The following PLCL2 variants were observed in gnomAD, a reference collection of about 807,000 sequenced individuals.
PLCL2 encodes inactive phospholipase C-like protein 2.
In PLCL2, 4 loss-of-function variants were observed where a neutral mutation model predicts 79.6. The observed-to-expected ratio is 0.05, with a 90% CI of 0.02 to 0.11. The LOEUF (loss-of-function observed/expected upper bound fraction) is 0.11, where lower values mean the gene tolerates loss of function less well. Ranked by LOEUF, PLCL2 falls within the 10% of genes least tolerant of loss-of-function variation. The pLI is 1.00. For synonymous variants in PLCL2, 484 were observed against 457.7 expected (o/e 1.06, Z -0.73); for missense variants, 895 against 1,291.0 (o/e 0.69, Z 4.70).
intron 1 of PLCL2, among the ~76,000 whole-genome samples, chr3:16,954,684 A>G (rs2063686818): frequency 6.6e-6 from 1 of 152,076 alleles, no homozygotes; most frequent in African/African-American, 2.4e-5. Context: ...CCTCTCCAGC[A>G]CCTGTTGTTT....
At chr3:17,040,586 G>A (rs1365716543) in intron 3 of PLCL2, among the ~76,000 whole-genome samples, 5 of 151,998 alleles carry the variant, frequency 3.3e-5, no homozygotes, top group South Asian at 2.1e-4. Context: ...GACAGCTGCC[G>A]CTTGCAAGTG....
At chr3:16,905,392 C>T (rs1033606339) in intron 1 of PLCL2, among the ~76,000 whole-genome samples, 4 of 152,318 alleles carry the variant, frequency 2.6e-5, no homozygotes, top group Non-Finnish European at 5.9e-5. Context: ...ACACCAGGCT[C>T]CAGTTTCAAC....
rs146543012 is a variant in PLCL2, at chr3:16,941,538, A to G, written c.327+56172A>G. ...GCCTGTCACAGTATGTGCTGTGAAA[A>G]TATCCATGCCAGTAAGACAAATGAG... On this transcript the variant is annotated intron_variant, in intron 1 of 5. Transcript: ENST00000615277. Among the ~76,000 whole-genome samples the G allele has an allele frequency of 6.8e-3, 1,043 of 152,294 alleles. 14 individuals carry two copies. The highest frequency in any genetic ancestry group is 0.024 in the African/African-American group (996 of 41,552).
chr3:17,036,327 G>A (rs1238078172), intron 3 of PLCL2, among the ~76,000 whole-genome samples: 1 of 152,156 alleles, frequency 6.6e-6, no homozygotes, highest in Non-Finnish European at 1.5e-5. Context: ...GTATTTAAAA[G>A]TACGTTGTAT....
At chr3:17,046,888 T>C (rs2064785894) in intron 4 of PLCL2, among the ~76,000 whole-genome samples, 1 of 152,168 alleles carries the variant, frequency 6.6e-6, no homozygotes, top group Admixed American at 6.5e-5. Flanking sequence ...AGGAACTGTG[T>C]AGAAGCTGGA....
intron 1 of PLCL2, among the ~76,000 whole-genome samples, chr3:16,930,853 T>C (rs1697375913): frequency 6.6e-6 from 1 of 152,228 alleles, no homozygotes; most frequent in Admixed American, 6.5e-5. Flanking sequence ...ACATTCTTTA[T>C]GACACAAGCA....
At chr3:17,040,850 G>A (rs1416428341) in intron 3 of PLCL2, among the ~76,000 whole-genome samples, 1 of 152,140 alleles carries the variant, frequency 6.6e-6, no homozygotes, top group Non-Finnish European at 1.5e-5. Flanking sequence ...TAATGCTGCT[G>A]TTTTGTTCTC....
chr3:16,974,584 C>T (rs894513492), intron 1 of PLCL2, among the ~76,000 whole-genome samples: 13 of 152,134 alleles, frequency 8.5e-5, no homozygotes, highest in Non-Finnish European at 1.3e-4. Flanking sequence ...AAGAAATGTC[C>T]AGGAGGCACC....
rs1696849788 is a variant in PLCL2, at chr3:16,910,380, C to T, written c.327+25014C>T. 3.9e-5 allele frequency among the ~76,000 whole-genome samples: 6 copies of T among 152,218 alleles called. No individual in the cohort carries two copies. The South Asian group carries it at 1.2e-3, about 32-fold the overall frequency. On this transcript the variant is annotated intron_variant, in intron 1 of 5. Transcript: ENST00000615277. ...TCCCTCAAGTCAGTTTGCAGTCCTCCCCTTACTTCACCCGTCAGTAGTGTT... is the reference window on the plus strand; with the variant it reads ...TCCCTCAAGTCAGTTTGCAGTCCTCTCCTTACTTCACCCGTCAGTAGTGTT...
intron 1 of PLCL2, among the ~76,000 whole-genome samples, chr3:16,939,592 T>A (rs1205385802): frequency 2.0e-5 from 3 of 152,182 alleles, no homozygotes; most frequent in African/African-American, 7.2e-5. Flanking sequence ...GTGTGTGCAG[T>A]GTATTAAAAT....
At chr3:17,078,631 G>C (rs1358773626) in intron 5 of PLCL2, among the ~76,000 whole-genome samples, 1 of 152,100 alleles carries the variant, frequency 6.6e-6, no homozygotes, top group Non-Finnish European at 1.5e-5. Context: ...TTCTCTTTAG[G>C]AACCTAAAAC....
At chr3:16,907,094 C>T (rs1696769014) in intron 1 of PLCL2, among the ~76,000 whole-genome samples, 1 of 152,124 alleles carries the variant, frequency 6.6e-6, no homozygotes, top group African/African-American at 2.4e-5. Context: ...TTTTTAGTGT[C>T]TTATCATCCT....
chr3:17,057,236 C>T (rs994634513), intron 4 of PLCL2, among the ~76,000 whole-genome samples: 2 of 152,144 alleles, frequency 1.3e-5, no homozygotes, highest in Non-Finnish European at 2.9e-5. Context: ...ATTCTCAGTA[C>T]ACATTAGCAT....
At chr3:17,075,395 T>A (rs572164264) in intron 5 of PLCL2, among the ~76,000 whole-genome samples, 1 of 151,998 alleles carries the variant, frequency 6.6e-6, no homozygotes, top group African/African-American at 2.4e-5. Flanking sequence ...CAATCACAAA[T>A]CACAATAACT....
chr3:17,022,447 C>T (rs936581106), intron 3 of PLCL2, among the ~76,000 whole-genome samples: 1 of 151,870 alleles, frequency 6.6e-6, no homozygotes, highest in African/African-American at 2.4e-5. Context: ...GAAGGTGCCT[C>T]CTAAGTTCTT....
chr3:17,010,049 T>C lies in PLCL2; in HGVS notation c.703T>C (p.Ser235Pro), dbSNP rs749132776. Residue 235 changes from serine (S) to proline (P), a missense_variant, in exon 2 of 6, where the codon TCC becomes CCC. Coordinates refer to ENST00000615277, the MANE Select transcript of PLCL2 (RefSeq NM_001144382.2). This position sits in a 1 kb window ranked among gnomAD's most constrained non-coding sequence, Gnocchi z 5.8. Reference protein sequence around the residue: ...NYESLDLVANSADVANIWVTG... With the variant: ...NYESLDLVANPADVANIWVTG... Reference sequence around the variant, plus strand: ...TGAGTCACTGGATTTGGTTGCCAACTCCGCAGATGTTGCAAACATCTGGGT... The same window carrying C: ...TGAGTCACTGGATTTGGTTGCCAACCCCGCAGATGTTGCAAACATCTGGGT... The C allele has an allele frequency of 6.2e-7, 1 of 1,612,666 alleles. No homozygotes were observed. The highest frequency in any genetic ancestry group is 1.1e-5 in the South Asian group (1 of 91,078).
rs1205723236 is a variant in PLCL2 at position 16,886,091 on chromosome 3, G to T, written c.327+725G>T. On this transcript the variant is annotated intron_variant, in intron 1 of 5. Coordinates refer to ENST00000615277, the MANE Select transcript of PLCL2 (RefSeq NM_001144382.2). This position sits in a 1 kb window ranked among gnomAD's most constrained non-coding sequence, Gnocchi z 4.2. ...ACAGTGTTAGCGGAAGAAAGCCAGCGATTGTTTTGAGCATTTTAAACTCAA... is the reference window on the plus strand; with the variant it reads ...ACAGTGTTAGCGGAAGAAAGCCAGCTATTGTTTTGAGCATTTTAAACTCAA... 6.6e-6 allele frequency among the ~76,000 whole-genome samples: 1 copy of T among 152,170 alleles called. No homozygotes were observed. The highest frequency in any genetic ancestry group is 2.4e-5 in the African/African-American group (1 of 41,430).
intron 1 of PLCL2, among the ~76,000 whole-genome samples, chr3:17,000,628 C>G (rs896509401): frequency 6.6e-6 from 1 of 152,074 alleles, no homozygotes; most frequent in Non-Finnish European, 1.5e-5. Flanking sequence ...CCATTCTACT[C>G]TCTACCTCCA....
intron 1 of PLCL2, among the ~76,000 whole-genome samples, chr3:16,998,044 T>G (rs796320145): frequency 3.3e-5 from 5 of 152,312 alleles, no homozygotes; most frequent in African/African-American, 1.2e-4. Flanking sequence ...TTTGCTCTGG[T>G]GGATGTGATG....
Sources: allele counts gnomAD v4.1 joint callset (sites outside exome capture counted in the v4.1 genomes callset), GRCh38; gene constraint gnomAD v4.1.1; non-coding constraint Gnocchi (gnomAD v3.1); transcripts MANE v1.5; gene names NCBI Gene and HGNC (gene_info 2026-07-23, HGNC 2026-07-21).